Variants in ATAD2 observed in about 807,000 individuals in gnomAD.
The protein encoded by ATAD2 is ATPase family AAA domain containing 2, also known as ATPase family AAA domain-containing protein 2.
Under a neutral mutation model 168.9 loss-of-function variants are expected in ATAD2, and 62 were observed. The observed-to-expected ratio is 0.37, with a 90% CI of 0.30 to 0.45. ATAD2 has a LOEUF of 0.45. Among genes scored for constraint, ATAD2 ranks in the 20% least tolerant of loss-of-function variants. The probability of loss-of-function intolerance (pLI) is 1.00; values close to 1 mark genes in which losing one functional copy is unlikely to be tolerated. For missense variants in ATAD2, 1,419 were observed against 1,667.8 expected (o/e 0.85, Z 2.60); for synonymous variants, 613 against 571.6 (o/e 1.07, Z -1.03).
At chr8:123,370,048 C>T in intron 6 of ATAD2, 24 bp from the exon 7 acceptor site, 2 of 1,590,860 alleles carry the variant, frequency 1.3e-6, no homozygotes, top group Non-Finnish European at 1.7e-6. Flanking sequence ...ATCCTTACTT[C>T]CAGAAAGATA....
rs769471453 is a variant in ATAD2, at chr8:123,371,770, G to C, written c.436C>G (p.His146Asp). ...ACTTCAACATCACCATTATCTTCAT[G>C]TAAGTGTTCTGTACTTTGAACGATG... Reference protein sequence around the residue: ...RNIVQSTEHLHEDNGDVEVRR... With the variant: ...RNIVQSTEHLDEDNGDVEVRR... Residue 146 changes from histidine (H) to aspartate (D), a missense_variant, in exon 4 of 28, where the codon CAT becomes GAT. His to Asp is a moderately conservative substitution (Grantham distance 81). Transcript: ENST00000287394. The C allele has an allele frequency of 1.2e-5, 20 of 1,613,410 alleles. No individual in the cohort carries two copies. In the South Asian group the frequency reaches 2.0e-4, roughly 16 times the overall value.
chr8:123,367,695 C>G (rs1053497594), intron 8 of ATAD2, among the ~76,000 whole-genome samples: 2 of 152,140 alleles, frequency 1.3e-5, no homozygotes, highest in Non-Finnish European at 2.9e-5. Flanking sequence ...TCTTGAAAAG[C>G]CCTGAGAGAC....
At chr8:123,364,749 C>A (rs1024168104) in intron 8 of ATAD2, among the ~76,000 whole-genome samples, 2 of 152,022 alleles carry the variant, frequency 1.3e-5, no homozygotes, top group Non-Finnish European at 2.9e-5. Flanking sequence ...AAGCTCTCAG[C>A]AAAGTCAGCA....
chr8:123,381,219 C>T (rs768492832), intron 1 of ATAD2, among the ~76,000 whole-genome samples: 3 of 152,170 alleles, frequency 2.0e-5, no homozygotes, highest in Non-Finnish European at 1.5e-5. Flanking sequence ...GTTTAGGGCC[C>T]GGGCATGGTG....
At chr8:123,380,032 A>G (rs1829447453) in intron 2 of ATAD2, among the ~76,000 whole-genome samples, 1 of 150,740 alleles carries the variant, frequency 6.6e-6, no homozygotes, top group African/African-American at 2.4e-5. Context: ...GATTACAGGC[A>G]TGCGCCACCA....
rs1829155033 is a variant in ATAD2, at chr8:123,371,720, A to G, written c.486T>C (p.Ser162=). 1 of 1,613,406 alleles carries G rather than the reference A, an allele frequency of 6.2e-7. No individual in the cohort carries two copies. Among genetic ancestry groups the G allele is most frequent in the Admixed American group, 1.7e-5 (1 of 59,834 alleles). Residue 162 remains serine (S), a synonymous_variant, in exon 4 of 28, where the codon AGT becomes AGC. Coordinates refer to ENST00000287394, the MANE Select transcript of ATAD2 (RefSeq NM_014109.4). ...TGGACTGGTTTACACCACTATAACG[A>G]CTTCTAATCCTACAACTTCGACGCA... ...VEVRRSCRIR[S]RYSGVNQSML...
Position 123,340,057 on chromosome 8 carries a change from T to C in ATAD2, c.2719-611A>G, listed in dbSNP as rs182791307. 6.6e-5 allele frequency among the ~76,000 whole-genome samples: 10 copies of C among 152,178 alleles called. No individual in the cohort carries two copies. In the East Asian group the frequency reaches 1.9e-3, roughly 29 times the overall value. On this transcript the variant is annotated intron_variant, in intron 19 of 27. Coordinates refer to ENST00000287394, the MANE Select transcript of ATAD2 (RefSeq NM_014109.4). ...GGCACGCACCACCACACTCAGCTAA[T>C]TTTTAAACTTTTTGTAGAGATAGGG...
chr8:123,376,980 T>G (rs1335919294), intron 2 of ATAD2, among the ~76,000 whole-genome samples: 1 of 150,602 alleles, frequency 6.6e-6, no homozygotes, highest in Non-Finnish European at 1.5e-5. Context: ...TAATCCCAGC[T>G]ACTCAGAGGC....
intron 1 of ATAD2, among the ~76,000 whole-genome samples, chr8:123,389,571 A>C (rs925388569): frequency 6.6e-6 from 1 of 151,228 alleles, no homozygotes; most frequent in Non-Finnish European, 1.5e-5. Context: ...ACCCAGAAGG[A>C]GGAGCTTGCA....
chr8:123,410,921 G>A (rs550408456), intron 1 of ATAD2, among the ~76,000 whole-genome samples: 5 of 152,184 alleles, frequency 3.3e-5, no homozygotes, highest in Non-Finnish European at 7.4e-5. Context: ...CTAAGTGCCC[G>A]GGTTCATCCT....
chr8:123,346,374 A>C, intron 17 of ATAD2, 102 bp from the exon 18 acceptor site: 1 of 1,177,060 alleles, frequency 8.5e-7, no homozygotes, highest in Non-Finnish European at 1.2e-6. Context: ...AGTCTTGCCA[A>C]TAAGGCCAAC....
chr8:123,339,856 A>C (rs930986321), intron 19 of ATAD2, among the ~76,000 whole-genome samples: 1 of 152,090 alleles, frequency 6.6e-6, no homozygotes, highest in Non-Finnish European at 1.5e-5. Flanking sequence ...ACTACAATTA[A>C]TAAAGGAACT....
Position 123,347,425 on chromosome 8 carries a change from G to A in ATAD2, c.1898-19C>T. The A allele has an allele frequency of 4.5e-6, 7 of 1,545,630 alleles. No homozygotes were observed. Among genetic ancestry groups the A allele is most frequent in the Admixed American group, 3.9e-5 (2 of 51,196 alleles). ...CAGTATCCTATCCAAAGCAACCAGG[G>A]GAAGAAAAGAACCAGCCGACCAAAC... is the stretch of plus-strand genomic sequence containing the variant. On this transcript the variant is annotated intron_variant, in intron 15 of 27. Transcript: ENST00000287394.
chr8:123,387,965 AAAC>A (rs1829692266), intron 1 of ATAD2, among the ~76,000 whole-genome samples: 1 of 152,210 alleles, frequency 6.6e-6, no homozygotes, highest in African/African-American at 2.4e-5. Flanking sequence ...CTGAAAACTT[AAAC>A]AACAGTATAT....
chr8:123,379,471 C>A (rs1356295046), intron 2 of ATAD2, among the ~76,000 whole-genome samples: 4 of 152,072 alleles, frequency 2.6e-5, no homozygotes, highest in Admixed American at 2.6e-4. Flanking sequence ...TACCTGAGAA[C>A]TGATCCTACG....
Position 123,329,981 on chromosome 8 carries a change from C to CTTTTTTTTTTT in ATAD2, c.3479-1413_3479-1403dup, listed in dbSNP as rs71310666. On this transcript the variant is annotated intron_variant, in intron 24 of 27. Transcript: ENST00000287394. ...AGATTACCTTTCTCCCCAGTGGCTT[C>CTTTTTTTTTTT]TTTTTTTTTTTTTTTTTTTTTTTTG... 5.8e-4 allele frequency among the ~76,000 whole-genome samples: 58 copies of CTTTTTTTTTTT among 100,314 alleles called. 4 individuals are homozygous for CTTTTTTTTTTT. The highest frequency in any genetic ancestry group is 2.0e-3 in the African/African-American group (56 of 27,594). The allele number at this position is 100,314 out of a possible 152,430, so 65.8% of individuals were successfully genotyped here.
chr8:123,326,806 T>C (rs531762018), intron 25 of ATAD2, among the ~76,000 whole-genome samples: 7 of 152,216 alleles, frequency 4.6e-5, no homozygotes, highest in African/African-American at 1.2e-4. Context: ...TATTTAACTA[T>C]CTGGTATTTG....
intron 9 of ATAD2, 77 bp from the exon 10 acceptor site, chr8:123,359,762 A>G: frequency 1.0e-6 from 1 of 971,308 alleles, no homozygotes; most frequent in Non-Finnish European, 1.5e-6. Flanking sequence ...TTGAATATAA[A>G]CATTTAAGTT....
chr8:123,336,458 C>G lies in ATAD2; in HGVS notation c.3126G>C (p.Lys1042Asn). Residue 1042 changes from lysine (K) to asparagine (N), a missense_variant, in exon 22 of 28, where the codon AAG (lysine) becomes AAC (asparagine). Lys to Asn is a moderately conservative substitution (Grantham distance 94). This residue lies in a region of ATAD2 where 545 missense variants were observed against 724.9 expected (regional missense o/e 0.75). Transcript: ENST00000287394. ...TCAAATAGTCTTTCACAGTCAGATA[C>G]TTGTGTAGATCAATTTTACTGATTA... ...SSVISKIDLH[K>N]YLTVKDYLRD... 1.3e-6 allele frequency: 2 copies of G among 1,577,324 alleles called. No homozygotes were observed. Among genetic ancestry groups the G allele is most frequent in the Non-Finnish European group, 1.7e-6 (2 of 1,167,294 alleles).
Sources: allele counts gnomAD v4.1 joint callset (sites outside exome capture counted in the v4.1 genomes callset), GRCh38; gene constraint gnomAD v4.1.1; regional missense constraint gnomAD v4.1.1; transcripts MANE v1.5; gene names NCBI Gene and HGNC (gene_info 2026-07-23, HGNC 2026-07-21).